NIPAL2: variants seen among roughly 807,000 people sequenced by gnomAD.
NIPAL2 encodes the protein NIPA-like protein 2.
Under a neutral mutation model 48.9 loss-of-function variants are expected in NIPAL2, and 43 were observed. The ratio of observed to expected loss-of-function variants is 0.88; its 90% CI spans 0.69 to 1.13. NIPAL2 has a LOEUF of 1.13. Among genes scored for constraint, NIPAL2 ranks in the 50% most tolerant of loss-of-function variants. NIPAL2 has a pLI of 0.00. For missense variants in NIPAL2, 446 were observed against 461.4 expected (o/e 0.97, Z 0.31); for synonymous variants, 167 against 174.6 (o/e 0.96, Z 0.34).
In NIPAL2 at chr8:98,192,538, T is replaced by A. The variant is rs4735538; in HGVS notation, c.*440A>T. 64,230 of 155,030 alleles carry A rather than the reference T, an allele frequency of 0.41. 14,075 individuals are homozygous for A. Among genetic ancestry groups the A allele is most frequent in the East Asian group, 0.59 (3,124 of 5,268 alleles). 9.6% of individuals were successfully genotyped at this position (155,030 alleles called of 1,614,324 possible). On this transcript the variant is annotated 3_prime_UTR_variant, in exon 11 of 11. Coordinates refer to ENST00000430223, the MANE Select transcript of NIPAL2 (RefSeq NM_001321635.2). The stretch of plus-strand genomic sequence containing the variant: ...TTTATAGGGAGGCTTATAAAAGGTG[T>A]CTTAGAAAAAAAATGAGCGCTCTCA...
At position 98,222,545 on chromosome 8, in the gene NIPAL2, TA is replaced by T. The variant is rs747437950; in HGVS notation, c.491del (p.Ile164LysfsTer20). Reference sequence around the variant, plus strand: ...CTGTTCTTGCTGAGATTGCCTGAGTTATATTTGGAGCAAAGTTCACCAGTAA... The same window carrying T: ...CTGTTCTTGCTGAGATTGCCTGAGTTTATTTGGAGCAAAGTTCACCAGTAA... The part of the protein sequence containing the change: ...TYLLVNFAPN[I>X]TQAISARTVQ... On this transcript the variant is annotated frameshift_variant, in exon 5 of 11. Transcript: ENST00000430223. LOFTEE classifies it high-confidence loss of function. 2 of 1,614,088 alleles carry T rather than the reference TA, an allele frequency of 1.2e-6. No individual in the cohort carries two copies. Among genetic ancestry groups the T allele is most frequent in the South Asian group, 2.2e-5 (2 of 91,068 alleles).
intron 5 of NIPAL2, among the ~76,000 whole-genome samples, chr8:98,222,205 GT>G (rs909288421): frequency 3.3e-5 from 5 of 151,540 alleles, no homozygotes; most frequent in South Asian, 2.1e-4. Context: ...GGAAGGGAAT[GT>G]TTTTTTTTAC....
rs765349889 is a variant in NIPAL2, at chr8:98,293,980, G to C, written c.135+23C>G. On this transcript the variant is annotated intron_variant, in intron 1 of 10. Transcript: ENST00000430223. ...CCTGGCCGCGTCCCCACCGGGCTGC[G>C]GTGGCTGCGGGGCGGCCCTTACCTG... 1.1e-5 allele frequency: 16 copies of C among 1,436,362 alleles called. 1 individual carries two copies. In the South Asian group the frequency reaches 2.0e-4, roughly 18 times the overall value. The allele number at this position is 1,436,362 out of a possible 1,614,324, so 89.0% of individuals were successfully genotyped here.
At chr8:98,228,197 T>G (rs569309200) in intron 4 of NIPAL2, among the ~76,000 whole-genome samples, 1 of 152,362 alleles carries the variant, frequency 6.6e-6, no homozygotes, top group Admixed American at 6.5e-5. Flanking sequence ...GGTACTGTGA[T>G]TGCTCACCTG....
chr8:98,205,891 G>T (rs1197935545), intron 6 of NIPAL2, among the ~76,000 whole-genome samples: 1 of 152,194 alleles, frequency 6.6e-6, no homozygotes, highest in Non-Finnish European at 1.5e-5. Context: ...TCATTTCTCA[G>T]GGTGGACCAT....
chr8:98,260,616 T>C (rs1285958426), intron 1 of NIPAL2, among the ~76,000 whole-genome samples: 2 of 152,030 alleles, frequency 1.3e-5, no homozygotes, highest in East Asian at 1.9e-4. Context: ...TGCACCTGGC[T>C]CGGAGGGTCC....
intron 6 of NIPAL2, among the ~76,000 whole-genome samples, chr8:98,211,144 A>G (rs1333443206): frequency 6.6e-6 from 1 of 152,228 alleles, no homozygotes; most frequent in Non-Finnish European, 1.5e-5. Context: ...TTCAAAATCA[A>G]TCTGGAAGTT....
intron 3 of NIPAL2, among the ~76,000 whole-genome samples, chr8:98,239,653 A>AT (rs1346132940): frequency 1.3e-5 from 2 of 151,848 alleles, no homozygotes; most frequent in Non-Finnish European, 2.9e-5. Flanking sequence ...AGCCAATAAC[A>AT]TTTTTTTTCT....
At chr8:98,209,302 G>T (rs977904599) in intron 6 of NIPAL2, among the ~76,000 whole-genome samples, 4 of 152,024 alleles carry the variant, frequency 2.6e-5, no homozygotes, top group Admixed American at 6.6e-5. Context: ...TTACAGAGAA[G>T]AACCAGTTTT....
chr8:98,203,039 C>T (rs2130701713), intron 8 of NIPAL2, 69 bp downstream of exon 8: 2 of 1,205,342 alleles, frequency 1.7e-6, no homozygotes, highest in Non-Finnish European at 2.5e-6. Context: ...TTTCTGGATT[C>T]TCTCATTTAC....
At chr8:98,289,932 ACT>A (rs1222102478) in intron 1 of NIPAL2, among the ~76,000 whole-genome samples, 1 of 151,970 alleles carries the variant, frequency 6.6e-6, no homozygotes, top group East Asian at 1.9e-4. Flanking sequence ...GTAATATAAA[ACT>A]CAGCATGATT....
chr8:98,207,520 T>G (rs550052833), intron 6 of NIPAL2, among the ~76,000 whole-genome samples: 120 of 152,270 alleles, frequency 7.9e-4, no homozygotes, highest in Non-Finnish European at 1.4e-3. Flanking sequence ...GAAAAAAAGA[T>G]GAGAATAAAC....
chr8:98,224,798 A>C (rs1586345340), intron 4 of NIPAL2, among the ~76,000 whole-genome samples: 2 of 123,142 alleles, frequency 1.6e-5, no homozygotes, highest in South Asian at 5.0e-4. Context: ...TTGCTCTGTC[A>C]CCCAGGCTGG....
At chr8:98,217,534 C>A (rs1015344823) in intron 5 of NIPAL2, among the ~76,000 whole-genome samples, 2 of 152,122 alleles carry the variant, frequency 1.3e-5, no homozygotes, top group Non-Finnish European at 2.9e-5. Context: ...CCAGGGCTTG[C>A]AGAAAAGCAC....
At chr8:98,224,735 A>G (rs1403865330) in intron 4 of NIPAL2, among the ~76,000 whole-genome samples, 2 of 145,402 alleles carry the variant, frequency 1.4e-5, no homozygotes, top group African/African-American at 5.0e-5. Flanking sequence ...TTTTGCAGTT[A>G]TACTTTCTTT....
chr8:98,203,301 G>T (rs1810890207), intron 7 of NIPAL2, 105 bp from the exon 8 acceptor site: 1 of 817,538 alleles, frequency 1.2e-6, no homozygotes, highest in Non-Finnish European at 2.1e-6. Context: ...ACTACAAAGG[G>T]AAAGGAGGTG....
intron 6 of NIPAL2, among the ~76,000 whole-genome samples, chr8:98,211,787 A>C (rs1037738178): frequency 2.3e-4 from 32 of 140,520 alleles, no homozygotes; most frequent in African/African-American, 9.0e-4. Flanking sequence ...GGAAAGAGAG[A>C]GAGAGAGAAA....
chr8:98,278,948 C>G (rs962676237), intron 1 of NIPAL2, among the ~76,000 whole-genome samples: 6 of 152,014 alleles, frequency 3.9e-5, no homozygotes, highest in Non-Finnish European at 8.8e-5. Context: ...AAGCTACTTG[C>G]TGACTTTTAA....
intron 1 of NIPAL2, among the ~76,000 whole-genome samples, chr8:98,262,824 C>T (rs1376809360): frequency 6.6e-5 from 10 of 152,108 alleles, no homozygotes; most frequent in African/African-American, 2.2e-4. Flanking sequence ...ACAGAATATA[C>T]ATTTTTTTCA....
Sources: gnomAD v4.1 joint callset for allele counts (sites outside exome capture counted in the v4.1 genomes callset) on GRCh38, gnomAD v4.1.1 for gene constraint, MANE v1.5 for transcripts, NCBI Gene and HGNC (gene_info 2026-07-23, HGNC 2026-07-21) for gene names.